The following MTA3 variants were observed in gnomAD, a reference collection of about 807,000 sequenced individuals.
The protein encoded by MTA3 is metastasis associated 1 family member 3, also known as metastasis-associated protein MTA3.
Under a neutral mutation model 83.5 loss-of-function variants are expected in MTA3, and 34 were observed. That is an observed-to-expected ratio of 0.41 (90% CI 0.31 to 0.54). MTA3 has a LOEUF of 0.54. MTA3 is among the 20% of genes least tolerant of loss of function. The pLI, the probability that MTA3 is intolerant of heterozygous loss-of-function variation, is 0.33. For missense variants in MTA3, 761 were observed against 726.4 expected (o/e 1.05, Z -0.55); for synonymous variants, 303 against 252.7 (o/e 1.20, Z -1.89).
chr2:42,619,865 G>A (rs1685341289), intron 4 of MTA3, among the ~76,000 whole-genome samples: 1 of 152,050 alleles, frequency 6.6e-6, no homozygotes, highest in African/African-American at 2.4e-5. Flanking sequence ...GTGGTACCAG[G>A]CCGAGCTAGT....
At chr2:42,531,476 G>A (rs1167080566) in intron 2 of MTA3, among the ~76,000 whole-genome samples, 3 of 58,976 alleles carry the variant, frequency 5.1e-5, no homozygotes, top group Non-Finnish European at 6.6e-5. Context: ...TTTTTGAGAA[G>A]GACTCTTGCT....
chr2:42,717,020 A>T (rs544019501), intron 14 of MTA3, among the ~76,000 whole-genome samples: 1 of 151,916 alleles, frequency 6.6e-6, no homozygotes, highest in Non-Finnish European at 1.5e-5. Context: ...AATGATAGCA[A>T]TTCTGACTAG....
chr2:42,732,984 G>C (rs1313717020), intron 16 of MTA3, among the ~76,000 whole-genome samples: 1 of 152,182 alleles, frequency 6.6e-6, no homozygotes, highest in African/African-American at 2.4e-5. Context: ...CATTCAGCAA[G>C]TCTGTAGGAA....
chr2:42,754,929 GTT>G lies in MTA3; in HGVS notation c.*1531_*1532del. 1.0e-6 allele frequency: 1 copy of G among 985,602 alleles called. No homozygotes were observed. Among genetic ancestry groups the G allele is most frequent in the African/African-American group, 1.7e-5 (1 of 57,358 alleles). 61.1% of individuals were successfully genotyped at this position (985,602 alleles called of 1,614,324 possible). Reference sequence around the variant, plus strand: ...CAGCTTCTTTTCTGAGGAGGAGTTGGTTCTCATCTTAGGCTTCTGCAAGGGCG... The same window carrying G: ...CAGCTTCTTTTCTGAGGAGGAGTTGGCTCATCTTAGGCTTCTGCAAGGGCG... On this transcript the variant is annotated 3_prime_UTR_variant, in exon 17 of 17. Transcript: ENST00000405094.
chr2:42,505,127 C>T (rs1334311662), intron 2 of MTA3, among the ~76,000 whole-genome samples: 1 of 152,252 alleles, frequency 6.6e-6, no homozygotes, highest in African/African-American at 2.4e-5. Context: ...GACGTGGTGA[C>T]TCATGACTGT....
At chr2:42,551,122 CT>C (rs1261371913) in intron 2 of MTA3, among the ~76,000 whole-genome samples, 1 of 151,758 alleles carries the variant, frequency 6.6e-6, no homozygotes, top group Non-Finnish European at 1.5e-5. Context: ...ATGAAGAAGA[CT>C]TTCTCTCCAA....
intron 8 of MTA3, among the ~76,000 whole-genome samples, chr2:42,672,582 T>G (rs1690915787): frequency 7.5e-6 from 1 of 133,586 alleles, no homozygotes. Context: ...GAGGTGGAGA[T>G]TGCGGTGAGC....
intron 3 of MTA3, among the ~76,000 whole-genome samples, chr2:42,595,793 G>C (rs1166439996): frequency 6.6e-6 from 1 of 152,042 alleles, no homozygotes; most frequent in Non-Finnish European, 1.5e-5. Flanking sequence ...TTATGACTTA[G>C]TAATAAGTTA....
intron 2 of MTA3, among the ~76,000 whole-genome samples, chr2:42,517,488 G>C (rs556085198): frequency 1.3e-5 from 2 of 150,166 alleles, no homozygotes; most frequent in South Asian, 2.1e-4. Flanking sequence ...CAGGAGAATT[G>C]CTTCAATCCG....
chr2:42,576,902 A>C (rs1224129946), intron 2 of MTA3, among the ~76,000 whole-genome samples: 2 of 151,660 alleles, frequency 1.3e-5, no homozygotes, highest in Non-Finnish European at 1.5e-5. Context: ...CTCAACAAAC[A>C]AACAAAAAAA....
intron 2 of MTA3, among the ~76,000 whole-genome samples, chr2:42,556,681 A>G (rs1558433992): frequency 6.6e-6 from 1 of 151,760 alleles, no homozygotes; most frequent in Non-Finnish European, 1.5e-5. Context: ...CCAGAAAGCC[A>G]CTCCTGGAGG....
chr2:42,579,021 A>G (rs1296966542), intron 2 of MTA3, 86 bp from the exon 3 acceptor site: 4 of 846,602 alleles, frequency 4.7e-6, no homozygotes, highest in South Asian at 3.8e-5. Context: ...GCATGATCAT[A>G]TAATTGTGCT....
upstream of MTA3, among the ~76,000 whole-genome samples, chr2:42,565,334 G>A (rs1039903652): frequency 3.1e-4 from 47 of 151,204 alleles, no homozygotes; most frequent in Admixed American, 2.0e-3. Flanking sequence ...CCATAGGTGC[G>A]CACCAACTGG....
intron 4 of MTA3, among the ~76,000 whole-genome samples, chr2:42,614,666 A>G (rs750346050): frequency 1.8e-4 from 27 of 151,920 alleles, no homozygotes; most frequent in Non-Finnish European, 3.7e-4. Flanking sequence ...AATATAGTGA[A>G]TTCGGCTTTA....
At chr2:42,728,290 A>G (rs1667965986) in intron 16 of MTA3, among the ~76,000 whole-genome samples, 1 of 152,152 alleles carries the variant, frequency 6.6e-6, no homozygotes, top group African/African-American at 2.4e-5. Context: ...TTTTGTCTGA[A>G]TAGTACTCCA....
intron 4 of MTA3, among the ~76,000 whole-genome samples, chr2:42,621,676 G>T (rs1685555996): frequency 7.3e-6 from 1 of 136,706 alleles, no homozygotes; most frequent in African/African-American, 2.8e-5. Context: ...CAGCCGGGCA[G>T]AGGGGCTCCT....
rs140601905 is a variant in MTA3 at position 42,710,046 on chromosome 2, A to G, written c.1525+950A>G. Among the ~76,000 whole-genome samples, 422 of 152,330 alleles carry G rather than the reference A, an allele frequency of 2.8e-3. 4 individuals carry two copies. The highest frequency in any genetic ancestry group is 9.8e-3 in the African/African-American group (409 of 41,570). On this transcript the variant is annotated intron_variant, in intron 14 of 16. Coordinates refer to ENST00000405094, the MANE Select transcript of MTA3 (RefSeq NM_001330442.2). ...AGCTTTTGTTCCTTAAGGGGTGACA[A>G]AACTTGCTGTCTGGCCTAACAGATA...
At position 42,595,745 on chromosome 2, in the gene MTA3, A is replaced by G. The variant is rs574752640; in HGVS notation, c.191-13713A>G. On this transcript the variant is annotated intron_variant, in intron 3 of 16. Transcript: ENST00000405094. Reference sequence around the variant, plus strand: ...TTCAGATCACATAGGACTGGAAAAAATTTTAAAAATTATTATTGTAACTTT... The same window carrying G: ...TTCAGATCACATAGGACTGGAAAAAGTTTTAAAAATTATTATTGTAACTTT... Among the ~76,000 whole-genome samples, 18 of 152,276 alleles carry G rather than the reference A, an allele frequency of 1.2e-4. No individual in the cohort carries two copies. The East Asian group carries it at 3.3e-3, about 28-fold the overall frequency.
At chr2:42,750,604 A>G (rs941063197) in intron 16 of MTA3, among the ~76,000 whole-genome samples, 1 of 152,162 alleles carries the variant, frequency 6.6e-6, no homozygotes, top group Non-Finnish European at 1.5e-5. Flanking sequence ...GATTCCCCAG[A>G]GAAGTTTCTT....
Sources: allele counts gnomAD v4.1 joint callset (sites outside exome capture counted in the v4.1 genomes callset), GRCh38; gene constraint gnomAD v4.1.1; transcripts MANE v1.5; gene names NCBI Gene and HGNC (gene_info 2026-07-23, HGNC 2026-07-21).